AMOTL1: variants seen among roughly 807,000 people sequenced by gnomAD.
The protein encoded by AMOTL1 is angiomotin-like protein 1.
Under a neutral mutation model 102.9 loss-of-function variants are expected in AMOTL1, and 45 were observed. That is an observed-to-expected ratio of 0.44 (90% confidence interval 0.34 to 0.56). AMOTL1 has a LOEUF of 0.56. Among genes scored for constraint, AMOTL1 ranks in the 20% least tolerant of loss-of-function variants. The pLI, the probability that AMOTL1 is intolerant of heterozygous loss-of-function variation, is 0.01. For synonymous variants in AMOTL1, 481 were observed against 484.7 expected, an observed-to-expected ratio of 0.99 and a Z score of 0.10; for missense variants, 1,114 against 1,225.6, an observed-to-expected ratio of 0.91 and a Z score of 1.36.
intron 4 of AMOTL1, among the ~76,000 whole-genome samples, chr11:94,822,175 C>CG (rs1951879584): frequency 6.6e-6 from 1 of 152,090 alleles, no homozygotes; most frequent in Admixed American, 6.5e-5. Flanking sequence ...AGGCCATGCG[C>CG]GGTGGTCCAT....
In AMOTL1 at chr11:94,776,008, A is replaced by G. The variant is rs143413897; in HGVS notation, c.49+7448A>G. Among the ~76,000 whole-genome samples the G allele has an allele frequency of 1.8e-3, 267 of 152,294 alleles. 3 individuals carry two copies. The highest frequency in any genetic ancestry group is 5.9e-3 in the African/African-American group (245 of 41,558). ...TTCCACTCATGGGATTCTTCCAGGG[A>G]TCTGGTCCTTGAGAGAAGCAAATAG... On this transcript the variant is annotated intron_variant, in intron 1 of 12. Coordinates refer to ENST00000433060, the MANE Select transcript of AMOTL1 (RefSeq NM_130847.3).
chr11:94,831,571 G>A (rs567682006), intron 6 of AMOTL1, 30 bp downstream of exon 6: 1 of 1,582,672 alleles, frequency 6.3e-7, no homozygotes, highest in Admixed American at 1.8e-5. Context: ...TTATCCCAAA[G>A]TTTGTTTGTT....
chr11:94,841,417 ACTCCAGC>A (rs990448054), intron 6 of AMOTL1, among the ~76,000 whole-genome samples: 10 of 152,234 alleles, frequency 6.6e-5, no homozygotes, highest in Non-Finnish European at 1.2e-4. Flanking sequence ...GCACCACTGC[ACTCCAGC>A]CTGGGCCACA....
chr11:94,740,254 G>A (rs1950499497), intron 2 of AMOTL1: 1 of 152,332 alleles, frequency 6.6e-6, no homozygotes, highest in Non-Finnish European at 1.5e-5. Flanking sequence ...ATCTCCTCAG[G>A]AGAAGCCCAC....
chr11:94,869,751 C>G (rs1302283290), intron 12 of AMOTL1, among the ~76,000 whole-genome samples: 1 of 152,190 alleles, frequency 6.6e-6, no homozygotes, highest in Non-Finnish European at 1.5e-5. Context: ...GATGGAGTGA[C>G]AACAGACCCT....
rs372481096 is a variant in AMOTL1, at chr11:94,833,675, G to A, written c.1648+2134G>A. Among the ~76,000 whole-genome samples, 28 of 152,320 alleles carry A rather than the reference G, an allele frequency of 1.8e-4. No homozygotes were observed. The East Asian group carries it at 5.0e-3, about 27-fold the overall frequency. On this transcript the variant is annotated intron_variant, in intron 6 of 12. Coordinates refer to ENST00000433060, the MANE Select transcript of AMOTL1 (RefSeq NM_130847.3). ...CAGCTAACTTGGGAGGCAGAGCAGA[G>A]GAGAAATTCATGAGGGACTGTCCTA...
At chr11:94,852,190 AAAT>A (rs1200572284) in intron 7 of AMOTL1, among the ~76,000 whole-genome samples, 1 of 152,230 alleles carries the variant, frequency 6.6e-6, no homozygotes, top group Non-Finnish European at 1.5e-5. Context: ...TGAGCAATCA[AAAT>A]CACAAGGAAT....
At chr11:94,774,574 A>G (rs1032298990) in intron 1 of AMOTL1, among the ~76,000 whole-genome samples, 2 of 152,216 alleles carry the variant, frequency 1.3e-5, no homozygotes, top group African/African-American at 4.8e-5. Flanking sequence ...CAATTCCAGG[A>G]CAGTTGTTCT....
chr11:94,734,507 T>C (rs1366873630), intron 2 of AMOTL1, among the ~76,000 whole-genome samples: 2 of 152,252 alleles, frequency 1.3e-5, no homozygotes, highest in Non-Finnish European at 2.9e-5. Flanking sequence ...TTCATTTTGA[T>C]GAAACCTTAC....
Position 94,795,046 on chromosome 11 carries a change from G to A in AMOTL1, c.85G>A (p.Val29Ile). ...TGCTTGTTATAGCCCCAGTAGTCCTGTCCAGGTTCTAGAAGACTCCACCTA... is the reference window on the plus strand; with the variant it reads ...TGCTTGTTATAGCCCCAGTAGTCCTATCCAGGTTCTAGAAGACTCCACCTA... ...PSACYSPSSP[V>I]QVLEDSTYFS... The change falls in exon 2 of 13, where the codon GTC becomes ATC. Residue 29 changes from valine (V) to isoleucine (I), a missense_variant. Transcript: ENST00000433060. The A allele has an allele frequency of 6.2e-7, 1 of 1,613,688 alleles. No individual in the cohort carries two copies. Among genetic ancestry groups the A allele is most frequent in the Non-Finnish European group, 8.5e-7 (1 of 1,179,808 alleles).
intron 6 of AMOTL1, among the ~76,000 whole-genome samples, chr11:94,844,529 G>A (rs970973728): frequency 3.3e-5 from 5 of 152,260 alleles, no homozygotes; most frequent in African/African-American, 1.2e-4. Context: ...AGGCTGGGAA[G>A]TCCAAGAGCA....
chr11:94,840,681 T>TACAC (rs111907230), intron 6 of AMOTL1, among the ~76,000 whole-genome samples: 44 of 104,756 alleles, frequency 4.2e-4, no homozygotes, highest in South Asian at 2.4e-3. Flanking sequence ...TATATATATA[T>TACAC]ACACACACAC....
At chr11:94,756,498 C>T (rs1860957540) in intron 3 of AMOTL1, among the ~76,000 whole-genome samples, 1 of 152,184 alleles carries the variant, frequency 6.6e-6, no homozygotes, top group South Asian at 2.1e-4. Flanking sequence ...TCGGCTGCAT[C>T]TGGTATTTCC....
In AMOTL1 at chr11:94,821,738, ATGG is replaced by A. The variant is rs1951870453; in HGVS notation, c.1334_1336del (p.Val445del). 2 of 1,613,994 alleles carry A rather than the reference ATGG, an allele frequency of 1.2e-6. No individual in the cohort carries two copies. The highest frequency in any genetic ancestry group is 1.7e-5 in the Admixed American group (1 of 60,028). On this transcript the variant is annotated inframe_deletion, in exon 4 of 13. Coordinates refer to ENST00000433060, the MANE Select transcript of AMOTL1 (RefSeq NM_130847.3). ...TGCGATTGTGGAGCGAGCCCAGCAA[ATGG>A]TGGAGATATTAACAGAGGAGAACCG...
intron 1 of AMOTL1, among the ~76,000 whole-genome samples, chr11:94,707,250 C>CTCTCTCTCTGTG (rs1338023479): frequency 2.6e-4 from 19 of 71,800 alleles, no homozygotes; most frequent in African/African-American, 7.1e-4. Flanking sequence ...CTCTCTCTCT[C>CTCTCTCTCTGTG]TGTGTGTGTG....
chr11:94,708,693 G>A (rs1949971249), intron 1 of AMOTL1, among the ~76,000 whole-genome samples: 4 of 152,128 alleles, frequency 2.6e-5, no homozygotes, highest in Admixed American at 2.6e-4. Context: ...AAAACTATCT[G>A]TAGTTGGCAT....
chr11:94,711,556 C>T (rs1397476374), intron 1 of AMOTL1, among the ~76,000 whole-genome samples: 1 of 152,168 alleles, frequency 6.6e-6, no homozygotes, highest in East Asian at 1.9e-4. Flanking sequence ...TATCACTAAC[C>T]ATATCATCAC....
At chr11:94,793,865 T>A (rs1272558743) in intron 1 of AMOTL1, among the ~76,000 whole-genome samples, 4 of 152,244 alleles carry the variant, frequency 2.6e-5, no homozygotes, top group African/African-American at 7.2e-5. Flanking sequence ...AAGAAAAAAA[T>A]TCTTGTCAGA....
intron 2 of AMOTL1, among the ~76,000 whole-genome samples, chr11:94,733,913 G>T (rs1400442441): frequency 6.6e-6 from 1 of 152,178 alleles, no homozygotes; most frequent in African/African-American, 2.4e-5. Flanking sequence ...GGCTCAGCCA[G>T]ATTTTATTTC....
Sources: gnomAD v4.1 joint callset for allele counts (sites outside exome capture counted in the v4.1 genomes callset) on GRCh38, gnomAD v4.1.1 for gene constraint, MANE v1.5 for transcripts, NCBI Gene and HGNC (gene_info 2026-07-23, HGNC 2026-07-21) for gene names.